Variants in TANC2 observed in about 807,000 individuals in gnomAD.
TANC2 encodes tetratricopeptide repeat, ankyrin repeat and coiled-coil containing 2.
In TANC2, 26 loss-of-function variants were observed where a neutral mutation model predicts 210.5. The observed-to-expected ratio is 0.12, with a 90% CI of 0.09 to 0.17. The LOEUF (loss-of-function observed/expected upper bound fraction) is 0.17. TANC2 is among the 10% of genes least tolerant of loss of function. TANC2 has a pLI of 1.00. For missense variants in TANC2, 2,129 were observed against 2,608.9 expected (o/e 0.82, Z 4.01); for synonymous variants, 931 against 967.1 (o/e 0.96, Z 0.69).
intron 1 of TANC2, among the ~76,000 whole-genome samples, chr17:63,001,705 C>T (rs897110094): frequency 1.7e-4 from 26 of 151,852 alleles, no homozygotes; most frequent in South Asian, 1.2e-3. Flanking sequence ...CCAGCATGCC[C>T]GGCTAACTTT....
intron 25 of TANC2, 108 bp downstream of exon 25, chr17:63,413,742 G>GAT: frequency 6.9e-6 from 7 of 1,015,458 alleles, no homozygotes; most frequent in Non-Finnish European, 1.0e-5. Flanking sequence ...AGAGGCAAAG[G>GAT]GAAACTACTG....
At chr17:63,227,968 A>T (rs1453114720) in intron 7 of TANC2, among the ~76,000 whole-genome samples, 2 of 152,074 alleles carry the variant, frequency 1.3e-5, no homozygotes, top group Non-Finnish European at 2.9e-5. Context: ...GATTCAAGCG[A>T]TGCTCCTGCC....
chr17:63,154,619 T>C (rs1417552520), intron 5 of TANC2: 2 of 152,184 alleles, frequency 1.3e-5, no homozygotes, highest in African/African-American at 4.8e-5. Flanking sequence ...TAAATCAGTT[T>C]AATATATATA....
chr17:63,265,322 C>T (rs1043371819), intron 8 of TANC2, among the ~76,000 whole-genome samples: 4 of 152,138 alleles, frequency 2.6e-5, no homozygotes, highest in African/African-American at 9.7e-5. Context: ...ATTTAAAACA[C>T]TTCTAGTCCC....
intron 14 of TANC2, among the ~76,000 whole-genome samples, chr17:63,362,313 A>T (rs2046988039): frequency 6.6e-6 from 1 of 152,182 alleles, no homozygotes; most frequent in Non-Finnish European, 1.5e-5. Flanking sequence ...TAATTGGTTC[A>T]TGGGCAGGCC....
At chr17:63,070,585 G>T (rs752021489) in intron 2 of TANC2, among the ~76,000 whole-genome samples, 1 of 152,044 alleles carries the variant, frequency 6.6e-6, no homozygotes, top group East Asian at 1.9e-4. Flanking sequence ...TAGATCAGGG[G>T]TCATTTCCCA....
At chr17:63,083,618 C>G (rs959648920) in intron 3 of TANC2, among the ~76,000 whole-genome samples, 1 of 152,184 alleles carries the variant, frequency 6.6e-6, no homozygotes, top group Non-Finnish European at 1.5e-5. Context: ...ACATAGTAAA[C>G]TCAGTACCAC....
chr17:63,157,340 A>T (rs1440264437), intron 5 of TANC2, among the ~76,000 whole-genome samples: 4 of 151,864 alleles, frequency 2.6e-5, no homozygotes. Context: ...ACTTTTAGAT[A>T]ACTTTTCTAA....
chr17:63,291,935 G>A (rs949618156), intron 9 of TANC2, among the ~76,000 whole-genome samples: 4 of 152,172 alleles, frequency 2.6e-5, no homozygotes, highest in African/African-American at 9.7e-5. Context: ...AATGATTAAG[G>A]AGGAAGAAAT....
rs2048747594 is a variant in TANC2 at position 63,412,903 on chromosome 17, G to A, written c.3928+194G>A. On this transcript the variant is annotated intron_variant, in intron 24 of 27. Coordinates refer to ENST00000689528, the Ensembl canonical transcript of TANC2. The surrounding 1 kb of genome is among the most constrained non-coding windows in gnomAD (Gnocchi z 4.2). ...TTGATAACTAACCTTGAAAAGCATA[G>A]TTTGTAAATAATTCAGGCATTTGTA... 6.6e-6 allele frequency among the ~76,000 whole-genome samples: 1 copy of A among 152,116 alleles called. No homozygotes were observed. The highest frequency in any genetic ancestry group is 1.5e-5 in the Non-Finnish European group (1 of 68,034).
intron 15 of TANC2, among the ~76,000 whole-genome samples, chr17:63,387,769 A>G (rs886703931): frequency 2.6e-5 from 4 of 152,234 alleles, no homozygotes; most frequent in Non-Finnish European, 4.4e-5. Context: ...GGGGAAGCCC[A>G]TGTGAAAAGG....
chr17:63,342,203 A>G (rs1202671601), intron 12 of TANC2, among the ~76,000 whole-genome samples: 1 of 151,982 alleles, frequency 6.6e-6, no homozygotes, highest in East Asian at 1.9e-4. Context: ...ATAACACATA[A>G]TGTATAACAA....
intron 2 of TANC2, among the ~76,000 whole-genome samples, chr17:63,016,305 G>A (rs1281893826): frequency 1.3e-5 from 2 of 152,176 alleles, no homozygotes; most frequent in Non-Finnish European, 2.9e-5. Context: ...GGCTGGGTGT[G>A]GTGGCTCATG....
intron 8 of TANC2, among the ~76,000 whole-genome samples, chr17:63,249,071 A>G (rs1031846836): frequency 3.9e-5 from 6 of 152,158 alleles, no homozygotes; most frequent in Non-Finnish European, 5.9e-5. Flanking sequence ...TAAAATAGAT[A>G]AAACAATTAA....
chr17:63,316,393 G>C (rs1257053875), intron 10 of TANC2, among the ~76,000 whole-genome samples: 1 of 152,160 alleles, frequency 6.6e-6, no homozygotes, highest in Non-Finnish European at 1.5e-5. Context: ...AGGACGAGAA[G>C]AGTTGCTTTC....
intron 8 of TANC2, among the ~76,000 whole-genome samples, chr17:63,253,659 C>CTGGA: frequency 6.6e-6 from 1 of 152,192 alleles, no homozygotes; most frequent in East Asian, 1.9e-4. Context: ...GTCACCCAGG[C>CTGGA]TGGAATGCAG....
chr17:63,023,147 T>A (rs2034418862), intron 2 of TANC2, among the ~76,000 whole-genome samples: 1 of 152,236 alleles, frequency 6.6e-6, no homozygotes, highest in Non-Finnish European at 1.5e-5. Context: ...GGGCTGCTGC[T>A]GCAGCCACTG....
chr17:63,207,045 T>C (rs1473222324), intron 7 of TANC2, among the ~76,000 whole-genome samples: 2 of 152,092 alleles, frequency 1.3e-5, no homozygotes, highest in East Asian at 3.8e-4. Flanking sequence ...CCCATTTCTC[T>C]ATTCATACCC....
intron 5 of TANC2, among the ~76,000 whole-genome samples, chr17:63,189,385 T>A (rs1166199321): frequency 6.6e-6 from 1 of 152,242 alleles, no homozygotes; most frequent in African/African-American, 2.4e-5. Flanking sequence ...GCTACCATTA[T>A]TGTATGAAGG....
Sources: allele counts gnomAD v4.1 joint callset (sites outside exome capture counted in the v4.1 genomes callset), GRCh38; gene constraint gnomAD v4.1.1; non-coding constraint Gnocchi (gnomAD v3.1); transcripts MANE v1.5; gene names NCBI Gene and HGNC (gene_info 2026-07-23, HGNC 2026-07-21).